PTPRT: variants seen among roughly 807,000 people sequenced by gnomAD.
PTPRT encodes the protein receptor-type tyrosine-protein phosphatase T.
A neutral mutation model predicts 176.8 loss-of-function variants in PTPRT; 56 were observed. The ratio of observed to expected loss-of-function variants is 0.32; its 90% CI spans 0.26 to 0.40. PTPRT has a LOEUF of 0.40. Among genes scored for constraint, PTPRT ranks in the 10% least tolerant of loss-of-function variants. PTPRT has a pLI of 1.00. For synonymous variants in PTPRT, 783 were observed against 739.0 expected (o/e 1.06, Z -0.96); for missense variants, 1,540 against 1,908.2 (o/e 0.81, Z 3.60).
intron 21 of PTPRT, chr20:42,116,026 A>C (rs748736091): frequency 2.8e-6 from 2 of 720,680 alleles, no homozygotes; most frequent in South Asian, 3.0e-5. Context: ...TAAAAGAACA[A>C]AAGCATGATT....
chr20:42,176,226 C>T (rs1990284369), intron 16 of PTPRT, among the ~76,000 whole-genome samples: 1 of 152,120 alleles, frequency 6.6e-6, no homozygotes, highest in Non-Finnish European at 1.5e-5. Flanking sequence ...TTGATAAATA[C>T]AATGTTTGTT....
At chr20:42,488,737 G>A (rs11904854) in intron 7 of PTPRT, among the ~76,000 whole-genome samples, 19,961 of 152,052 alleles carry the variant, frequency 0.13, 3,093 homozygotes, top group African/African-American at 0.38. Context: ...GGCCGAGGCG[G>A]GTGGATCACC....
rs796232217 is a variant in PTPRT at position 42,326,952 on chromosome 20, T to TA, written c.1866-10957dup. On this transcript the variant is annotated intron_variant, in intron 11 of 30. Coordinates refer to ENST00000373187, the MANE Select transcript of PTPRT (RefSeq NM_007050.6). Reference sequence around the variant, plus strand: ...CAAATGGGAAATATGGTTAAGAACTTAAAAAAAAAAAAACAACAAAGGAAT... The same window carrying TA: ...CAAATGGGAAATATGGTTAAGAACTTAAAAAAAAAAAAAACAACAAAGGAAT... Among the ~76,000 whole-genome samples, 1,275 of 134,838 alleles carry TA rather than the reference T, an allele frequency of 9.5e-3. 11 individuals are homozygous for TA. The highest frequency in any genetic ancestry group is 0.027 in the African/African-American group (1,009 of 36,744). 88.5% of individuals were successfully genotyped at this position (134,838 alleles called of 152,430 possible).
At chr20:42,177,555 C>T (rs1440415076) in intron 16 of PTPRT, among the ~76,000 whole-genome samples, 1 of 152,192 alleles carries the variant, frequency 6.6e-6, no homozygotes, top group Admixed American at 6.5e-5. Context: ...ATTATAGAGG[C>T]TGATCACTGA....
intron 23 of PTPRT, among the ~76,000 whole-genome samples, chr20:42,108,789 C>T (rs1986748919): frequency 6.6e-6 from 1 of 152,182 alleles, no homozygotes; most frequent in Non-Finnish European, 1.5e-5. Context: ...CTCTTAGGCA[C>T]TTAGCCAACC....
chr20:42,423,690 T>G (rs1033899018), intron 9 of PTPRT, among the ~76,000 whole-genome samples: 7 of 152,182 alleles, frequency 4.6e-5, no homozygotes, highest in Non-Finnish European at 8.8e-5. Flanking sequence ...AGCAAGTTCA[T>G]AAAAATGTTC....
intron 16 of PTPRT, among the ~76,000 whole-genome samples, chr20:42,167,469 G>C (rs1568636913): frequency 1.3e-5 from 2 of 152,096 alleles, no homozygotes; most frequent in Admixed American, 1.3e-4. Flanking sequence ...AAGTCTTCAG[G>C]GAGTCAAGAC....
intron 6 of PTPRT, among the ~76,000 whole-genome samples, chr20:42,700,807 A>G (rs1241361623): frequency 1.3e-5 from 2 of 152,018 alleles, no homozygotes; most frequent in Admixed American, 1.3e-4. Context: ...ATTTCCACCT[A>G]CTATAACTGG....
chr20:42,419,074 T>C (rs1243195802), intron 9 of PTPRT, among the ~76,000 whole-genome samples: 2 of 152,156 alleles, frequency 1.3e-5, no homozygotes, highest in Admixed American at 1.3e-4. Context: ...TGGGTTGATT[T>C]CCCCCCACAG....
At chr20:43,001,105 G>A (rs968515911) in intron 1 of PTPRT, among the ~76,000 whole-genome samples, 1 of 152,038 alleles carries the variant, frequency 6.6e-6, no homozygotes, top group Non-Finnish European at 1.5e-5. Context: ...AGGAGGAGGA[G>A]AAAAGAGAAG....
intron 1 of PTPRT, among the ~76,000 whole-genome samples, chr20:42,893,572 T>G (rs2079234708): frequency 6.6e-6 from 1 of 152,096 alleles, no homozygotes; most frequent in Admixed American, 6.5e-5. Context: ...GTATGTTTAT[T>G]GCAGCACTAT....
chr20:42,214,530 A>G (rs1033948008), intron 15 of PTPRT, among the ~76,000 whole-genome samples: 1 of 152,196 alleles, frequency 6.6e-6, no homozygotes, highest in African/African-American at 2.4e-5. Flanking sequence ...CAGCAGCAAC[A>G]GACGTCATGA....
At chr20:42,857,625 T>A (rs1342191423) in intron 2 of PTPRT, among the ~76,000 whole-genome samples, 1 of 152,168 alleles carries the variant, frequency 6.6e-6, no homozygotes, top group Non-Finnish European at 1.5e-5. Context: ...CTTTGTGAAA[T>A]CCTATTAGGA....
chr20:42,755,871 T>C (rs1037267310), intron 6 of PTPRT, among the ~76,000 whole-genome samples: 3 of 152,148 alleles, frequency 2.0e-5, no homozygotes, highest in Non-Finnish European at 2.9e-5. Flanking sequence ...ATAACAAAGA[T>C]GACAAAGTTG....
chr20:42,035,069 T>A, the PTPRT span, among the ~76,000 whole-genome samples: 1 of 152,048 alleles, frequency 6.6e-6, no homozygotes, highest in African/African-American at 2.4e-5. Flanking sequence ...GATATTACAT[T>A]AAGCACCCAG....
chr20:42,771,187 C>T (rs1453211804), intron 5 of PTPRT, among the ~76,000 whole-genome samples: 1 of 152,124 alleles, frequency 6.6e-6, no homozygotes, highest in Non-Finnish European at 1.5e-5. Flanking sequence ...ACCATCTGAC[C>T]CCAGGAAACT....
Position 42,078,399 on chromosome 20 carries a change from G to A in PTPRT, c.*2480C>T, listed in dbSNP as rs886641175. 1 of 210,714 alleles carries A rather than the reference G, an allele frequency of 4.7e-6. No homozygotes were observed. The highest frequency in any genetic ancestry group is 2.3e-5 in the African/African-American group (1 of 43,964). 13.1% of individuals were successfully genotyped at this position (210,714 alleles called of 1,614,324 possible). A position where few individuals can be genotyped will look rare whatever the true frequency, so the allele number is the denominator to read the frequency against. The stretch of plus-strand genomic sequence containing the variant: ...CTCCGTGGTAAAGCAGAGACCCTGG[G>A]TTTCTCATAGAATCTGAGTCTCATG... On this transcript the variant is annotated 3_prime_UTR_variant, in exon 31 of 31. Coordinates refer to ENST00000373187, the MANE Select transcript of PTPRT (RefSeq NM_007050.6).
chr20:43,126,933 C>T (rs923095231), intron 1 of PTPRT, among the ~76,000 whole-genome samples: 3 of 152,146 alleles, frequency 2.0e-5, no homozygotes, highest in Non-Finnish European at 2.9e-5. Context: ...AACATCGAAA[C>T]GGAATCAACT....
intron 2 of PTPRT, among the ~76,000 whole-genome samples, chr20:42,825,942 G>A (rs2077985262): frequency 1.3e-5 from 2 of 151,956 alleles, no homozygotes; most frequent in Non-Finnish European, 2.9e-5. Flanking sequence ...GAACACCTAG[G>A]GCTGAAAACA....
Sources: gnomAD v4.1 joint callset for allele counts (sites outside exome capture counted in the v4.1 genomes callset) on GRCh38, gnomAD v4.1.1 for gene constraint, MANE v1.5 for transcripts, NCBI Gene and HGNC (gene_info 2026-07-23, HGNC 2026-07-21) for gene names.